Variants in RILPL2 observed in about 807,000 individuals in gnomAD.
The protein encoded by RILPL2 is RILP-like protein 2.
Under a neutral mutation model 22.2 loss-of-function variants are expected in RILPL2, and 19 were observed. That is an observed-to-expected ratio of 0.86 (90% CI 0.60 to 1.25). The LOEUF is 1.25. Ranked by LOEUF, RILPL2 falls within the 50% of genes most tolerant of loss-of-function variation. The probability of loss-of-function intolerance (pLI) is 0.00; values close to 1 mark genes in which losing one functional copy is unlikely to be tolerated. For synonymous variants in RILPL2, 123 were observed against 111.6 expected, an observed-to-expected ratio of 1.10 and a Z score of -0.64; for missense variants, 243 against 263.6, an observed-to-expected ratio of 0.92 and a Z score of 0.54.
At chr12:123,428,421 C>T (rs1252160820) in intron 2 of RILPL2, among the ~76,000 whole-genome samples, 1 of 152,216 alleles carries the variant, frequency 6.6e-6, no homozygotes, top group African/African-American at 2.4e-5. Context: ...CAGGCGTGAG[C>T]CACCGCGCCC....
chr12:123,415,613 G>A lies in RILPL2; in HGVS notation c.*278C>T. On this transcript the variant is annotated 3_prime_UTR_variant, in exon 4 of 4. Coordinates refer to ENST00000280571, the MANE Select transcript of RILPL2 (RefSeq NM_145058.3). The stretch of plus-strand genomic sequence containing the variant: ...CGCTGGAGGCCCTGGGGGTTGACAT[G>A]GGAGCAGGAAGTGGACCCCCCCACC... The A allele has an allele frequency of 1.9e-6, 1 of 530,906 alleles. No individual in the cohort carries two copies. Among genetic ancestry groups the A allele is most frequent in the Non-Finnish European group, 3.4e-6 (1 of 294,886 alleles). 32.9% of individuals were successfully genotyped at this position (530,906 alleles called of 1,614,324 possible). A position where few individuals can be genotyped will look rare whatever the true frequency, so the allele number is the denominator to read the frequency against.
At chr12:123,431,307 G>C (rs1879641429) in intron 1 of RILPL2, among the ~76,000 whole-genome samples, 1 of 145,366 alleles carries the variant, frequency 6.9e-6, no homozygotes, top group South Asian at 2.1e-4. Flanking sequence ...AGGCACTTAA[G>C]ACAAATATAT....
At position 123,415,074 on chromosome 12, in the gene RILPL2, C is replaced by T. The variant is rs1879077885; in HGVS notation, c.*817G>A. ...CACTGTTATTTACTAAGAAGACAGG[C>T]TCACGGAATGGTTGCGGCAGCCTCA... On this transcript the variant is annotated 3_prime_UTR_variant, in exon 4 of 4. Transcript: ENST00000280571. 1 of 152,126 alleles carries T rather than the reference C, an allele frequency of 6.6e-6. No individual in the cohort carries two copies. Among genetic ancestry groups the T allele is most frequent in the Admixed American group, 6.6e-5 (1 of 15,250 alleles). 9.4% of individuals were successfully genotyped at this position (152,126 alleles called of 1,614,324 possible). A position where few individuals can be genotyped will look rare whatever the true frequency, so the allele number is the denominator to read the frequency against.
chr12:123,415,538 T>G lies in RILPL2; in HGVS notation c.*353A>C, dbSNP rs886824861. On this transcript the variant is annotated 3_prime_UTR_variant, in exon 4 of 4. Transcript: ENST00000280571. ...TTCTTTTCTCCCTTCTGCTAACCAT[T>G]GAAGACCAGGGTCATCCGTGGGAGC... 1.4e-5 allele frequency: 4 copies of G among 283,342 alleles called. No individual in the cohort carries two copies. Among genetic ancestry groups the G allele is most frequent in the Non-Finnish European group, 2.0e-5 (3 of 150,604 alleles). 17.6% of individuals were successfully genotyped at this position (283,342 alleles called of 1,614,324 possible). A position where few individuals can be genotyped will look rare whatever the true frequency, so the allele number is the denominator to read the frequency against.
intron 2 of RILPL2, among the ~76,000 whole-genome samples, chr12:123,430,009 G>A (rs1879571045): frequency 6.6e-6 from 1 of 150,904 alleles, no homozygotes; most frequent in Admixed American, 6.6e-5. Flanking sequence ...TCAGCTACTT[G>A]GGTGGCTAAG....
At chr12:123,410,307 T>C (rs796399102), downstream of RILPL2, among the ~76,000 whole-genome samples, 15 of 152,316 alleles carry the variant, frequency 9.8e-5, no homozygotes, top group African/African-American at 3.6e-4. Flanking sequence ...AAGTCCCTAT[T>C]ACCAGCCCAG....
intron 1 of RILPL2, among the ~76,000 whole-genome samples, chr12:123,433,455 C>A (rs888407449): frequency 6.6e-6 from 1 of 151,062 alleles, no homozygotes; most frequent in South Asian, 2.1e-4. Context: ...TGCTCTGTTG[C>A]CCCAGCTGGA....
chr12:123,433,469 C>T (rs1223512678), intron 1 of RILPL2, among the ~76,000 whole-genome samples: 3 of 152,028 alleles, frequency 2.0e-5, no homozygotes, highest in African/African-American at 7.2e-5. Context: ...AGCTGGAGTG[C>T]AGTGGCACGA....
intron 1 of RILPL2, 25 bp from the exon 2 acceptor site, chr12:123,430,684 C>A: frequency 6.5e-7 from 1 of 1,537,402 alleles, no homozygotes; most frequent in Non-Finnish European, 8.8e-7. Context: ...GCAACCTTTG[C>A]AAGCAACTCT....
chr12:123,425,912 A>G (rs750672758), intron 2 of RILPL2, among the ~76,000 whole-genome samples: 2 of 152,042 alleles, frequency 1.3e-5, no homozygotes, highest in Admixed American at 6.6e-5. Context: ...TCGGCCTCCC[A>G]AAGTGCTGGG....
rs1879787398 is a variant in RILPL2 at position 123,436,085 on chromosome 12, C to T, written c.336G>A (p.Gly112=). The T allele has an allele frequency of 6.4e-7, 1 of 1,570,426 alleles. No individual in the cohort carries two copies. Among genetic ancestry groups the T allele is most frequent in the African/African-American group, 1.4e-5 (1 of 73,798 alleles). ...GAACCCTCGCTCCCACACTCACCTCCCCGCTGGCCGGAGGGCTCTGTCTCC... is the reference window on the plus strand; with the variant it reads ...GAACCCTCGCTCCCACACTCACCTCTCCGCTGGCCGGAGGGCTCTGTCTCC... ...GLRRQSPPAS[G]EVNLGPNKMV... Residue 112 remains glycine, a synonymous_variant, in exon 1 of 4, where the codon GGG becomes GGA. Coordinates refer to ENST00000280571, the MANE Select transcript of RILPL2 (RefSeq NM_145058.3). The surrounding 1 kb of genome is among the most constrained non-coding windows in gnomAD (Gnocchi z 6.7).
intron 1 of RILPL2, among the ~76,000 whole-genome samples, chr12:123,433,558 G>A (rs979750014): frequency 2.0e-5 from 3 of 152,132 alleles, no homozygotes; most frequent in South Asian, 2.1e-4. Context: ...GATTACAAGC[G>A]TGTGCCAGCA....
chr12:123,431,698 C>G (rs563087429), intron 1 of RILPL2, among the ~76,000 whole-genome samples: 1 of 150,448 alleles, frequency 6.6e-6, no homozygotes, highest in Non-Finnish European at 1.5e-5. Flanking sequence ...TGGTGGCAGG[C>G]GCCTGTAGTC....
At chr12:123,434,680 C>G (rs1879743392) in intron 1 of RILPL2, among the ~76,000 whole-genome samples, 1 of 151,766 alleles carries the variant, frequency 6.6e-6, no homozygotes, top group South Asian at 2.1e-4. Context: ...CCCGCCTTGG[C>G]CTCCCAAAGT....
At chr12:123,415,987 C>T (rs900833665) in intron 3 of RILPL2, 66 bp from the exon 4 acceptor site, 61 of 1,534,100 alleles carry the variant, frequency 4.0e-5, no homozygotes, top group Middle Eastern at 3.5e-4. Flanking sequence ...CAGCAACCCC[C>T]GTAAAATTTC....
intron 1 of RILPL2, among the ~76,000 whole-genome samples, chr12:123,435,478 T>C (rs1285221206): frequency 6.6e-6 from 1 of 151,934 alleles, no homozygotes; most frequent in African/African-American, 2.4e-5. Context: ...GTGGCTCACA[T>C]CCACAAGCCC....
At chr12:123,434,349 T>C (rs1879729011) in intron 1 of RILPL2, among the ~76,000 whole-genome samples, 1 of 151,932 alleles carries the variant, frequency 6.6e-6, no homozygotes, top group African/African-American at 2.4e-5. Context: ...GCCCAGGAGT[T>C]TGAGGCCTCA....
chr12:123,435,704 A>C (rs1370214644), intron 1 of RILPL2, among the ~76,000 whole-genome samples: 1 of 152,092 alleles, frequency 6.6e-6, no homozygotes. Flanking sequence ...GCACCACTGC[A>C]CTCTAGCCTG....
chr12:123,431,495 G>A (rs549550164), intron 1 of RILPL2, among the ~76,000 whole-genome samples: 2 of 152,236 alleles, frequency 1.3e-5, no homozygotes, highest in East Asian at 1.9e-4. Flanking sequence ...GCACAACAGC[G>A]TGAATGGACA....
Sources: gnomAD v4.1 joint callset for allele counts (sites outside exome capture counted in the v4.1 genomes callset) on GRCh38, gnomAD v4.1.1 for gene constraint, Gnocchi (gnomAD v3.1) non-coding constraint, MANE v1.5 for transcripts, NCBI Gene and HGNC (gene_info 2026-07-23, HGNC 2026-07-21) for gene names.